Variants in GULP1 observed in about 807,000 individuals in gnomAD.
GULP1 encodes GULP PTB domain containing engulfment adaptor 1.
In GULP1, 19 loss-of-function variants were observed where a neutral mutation model predicts 40.9. The observed-to-expected ratio is 0.46, with a 90% CI of 0.32 to 0.68. The LOEUF is 0.68. GULP1 is among the 30% of genes least tolerant of loss of function. GULP1 has a pLI of 0.03. For synonymous variants in GULP1, 119 were observed against 117.6 expected (o/e 1.01, Z -0.08); for missense variants, 312 against 362.2 (o/e 0.86, Z 1.12).
At chr2:188,412,346 A>G (rs1469458386) in intron 2 of GULP1, among the ~76,000 whole-genome samples, 12 of 152,170 alleles carry the variant, frequency 7.9e-5, no homozygotes, top group Admixed American at 7.2e-4. Flanking sequence ...ACCCTTCCTT[A>G]CCTTCATTGT....
At chr2:188,463,036 TAA>T (rs1232158023) in intron 2 of GULP1, among the ~76,000 whole-genome samples, 1 of 152,198 alleles carries the variant, frequency 6.6e-6, no homozygotes, top group Non-Finnish European at 1.5e-5. Flanking sequence ...TTTTTGTACT[TAA>T]GAGTAGTTCA....
intron 4 of GULP1, among the ~76,000 whole-genome samples, chr2:188,509,121 G>C (rs143940028): frequency 6.6e-6 from 1 of 151,902 alleles, no homozygotes; most frequent in African/African-American, 2.4e-5. Flanking sequence ...CAAGTATCTG[G>C]AACAGTGCCT....
intron 2 of GULP1, among the ~76,000 whole-genome samples, chr2:188,402,243 C>G (rs2052402857): frequency 6.6e-6 from 1 of 152,220 alleles, no homozygotes; most frequent in Admixed American, 6.5e-5. Context: ...TCATTTGATA[C>G]TTATGTAGGA....
At chr2:188,350,317 T>G (rs1216240349) in intron 1 of GULP1, among the ~76,000 whole-genome samples, 1 of 152,134 alleles carries the variant, frequency 6.6e-6, no homozygotes, top group Non-Finnish European at 1.5e-5. Context: ...ATATTAAGTC[T>G]ACAGTGTATA....
Position 188,446,132 on chromosome 2 carries a change from G to T in GULP1, c.-44-31527G>T, listed in dbSNP as rs76939661. Among the ~76,000 whole-genome samples the T allele has an allele frequency of 0.014, 2,110 of 152,084 alleles. 96 individuals carry two copies. The East Asian group carries it at 0.15, about 11-fold the overall frequency. On this transcript the variant is annotated intron_variant, in intron 2 of 11. Transcript: ENST00000409830. The stretch of plus-strand genomic sequence containing the variant: ...CTCATCAGGAGACCAATTTTTGCTT[G>T]GGAGCATCTAGAAAGTCTTTTTTCA...
At chr2:188,407,280 G>A (rs1018946573) in intron 2 of GULP1, among the ~76,000 whole-genome samples, 2 of 152,062 alleles carry the variant, frequency 1.3e-5, no homozygotes. Context: ...TTAAAGAAAA[G>A]GATGCTAATT....
chr2:188,351,589 G>C (rs1436380773), intron 1 of GULP1, among the ~76,000 whole-genome samples: 1 of 151,998 alleles, frequency 6.6e-6, no homozygotes, highest in African/African-American at 2.4e-5. Flanking sequence ...CATTCTAGAG[G>C]TTATAGCCAA....
rs1309163705 is a variant in GULP1 at position 188,570,135 on chromosome 2, T to C, written c.609+15T>C. On this transcript the variant is annotated intron_variant, in intron 9 of 11. Transcript: ENST00000409830. The stretch of plus-strand genomic sequence containing the variant: ...CAGCACCTCCAGTGAGTATATTGAA[T>C]ATCCTTAGAAACAAGATTTTATGGT... 2 of 1,051,086 alleles carry C rather than the reference T, an allele frequency of 1.9e-6. No individual in the cohort carries two copies. Among genetic ancestry groups the C allele is most frequent in the Non-Finnish European group, 2.9e-6 (2 of 693,922 alleles). 65.1% of individuals were successfully genotyped at this position (1,051,086 alleles called of 1,614,324 possible). A position where few individuals can be genotyped will look rare whatever the true frequency, so the allele number is the denominator to read the frequency against.
At chr2:188,347,310 C>A (rs1404376768) in intron 1 of GULP1, among the ~76,000 whole-genome samples, 2 of 152,072 alleles carry the variant, frequency 1.3e-5, no homozygotes, top group Admixed American at 6.6e-5. Context: ...AGCACAAACC[C>A]GGGAAGATGG....
intron 3 of GULP1, among the ~76,000 whole-genome samples, chr2:188,482,089 A>G (rs969213787): frequency 3.3e-5 from 5 of 151,988 alleles, no homozygotes; most frequent in East Asian, 1.9e-4. Flanking sequence ...TGGCTATCAT[A>G]TATTCACTCT....
At chr2:188,337,891 G>C (rs528562835) in intron 1 of GULP1, among the ~76,000 whole-genome samples, 1 of 152,006 alleles carries the variant, frequency 6.6e-6, no homozygotes, top group Non-Finnish European at 1.5e-5. Context: ...TTGAAAGGAA[G>C]GGACAGGGAG....
chr2:188,549,857 A>G (rs1460212508), intron 7 of GULP1, among the ~76,000 whole-genome samples: 1 of 151,748 alleles, frequency 6.6e-6, no homozygotes, highest in East Asian at 1.9e-4. Context: ...TGTGTACTCT[A>G]TGATTCCATT....
chr2:188,355,670 G>C (rs186992936), intron 1 of GULP1, among the ~76,000 whole-genome samples: 18 of 151,966 alleles, frequency 1.2e-4, no homozygotes, highest in South Asian at 1.0e-3. Flanking sequence ...TCCTGTTTCC[G>C]TGAGGCCAGT....
intron 7 of GULP1, among the ~76,000 whole-genome samples, chr2:188,543,384 G>A (rs909123769): frequency 2.0e-5 from 3 of 152,006 alleles, no homozygotes; most frequent in Non-Finnish European, 4.4e-5. Context: ...TCTTGGCTTT[G>A]AGAAGTTCCC....
At chr2:188,349,977 A>C (rs1030255669) in intron 1 of GULP1, among the ~76,000 whole-genome samples, 3 of 152,136 alleles carry the variant, frequency 2.0e-5, no homozygotes, top group African/African-American at 7.2e-5. Context: ...TTATTTCCCC[A>C]ATGATTTGTC....
intron 2 of GULP1, among the ~76,000 whole-genome samples, chr2:188,452,990 CTT>C (rs879545766): frequency 1.4e-5 from 2 of 144,968 alleles, no homozygotes; most frequent in African/African-American, 5.0e-5. Flanking sequence ...TATATTTGCC[CTT>C]TTTTTTTTTA....
Position 188,320,521 on chromosome 2 carries a change from CA to C in GULP1, c.-172+28359del, listed in dbSNP as rs549009243. Among the ~76,000 whole-genome samples, 9 of 152,082 alleles carry C rather than the reference CA, an allele frequency of 5.9e-5. No homozygotes were observed. In the South Asian group the frequency reaches 1.7e-3, roughly 28 times the overall value. On this transcript the variant is annotated intron_variant, in intron 1 of 11. Coordinates refer to ENST00000409830, the MANE Select transcript of GULP1 (RefSeq NM_016315.4). ...TAAGACCTTCTTTCCTATGTCCTGACAAAAGTTTATACAGCACTTTGACTCT... is the reference window on the plus strand; with the variant it reads ...TAAGACCTTCTTTCCTATGTCCTGACAAAGTTTATACAGCACTTTGACTCT...
chr2:188,553,447 A>T (rs1323051213), intron 7 of GULP1, among the ~76,000 whole-genome samples: 1 of 151,886 alleles, frequency 6.6e-6, no homozygotes, highest in African/African-American at 2.4e-5. Context: ...TCATTCCATT[A>T]ATTTGAGTTA....
At chr2:188,552,172 A>G (rs1693635887) in intron 7 of GULP1, among the ~76,000 whole-genome samples, 1 of 151,148 alleles carries the variant, frequency 6.6e-6, no homozygotes, top group Non-Finnish European at 1.5e-5. Context: ...TTTTTAGTGT[A>G]ATTAAGTACC....
Sources: allele counts gnomAD v4.1 joint callset (sites outside exome capture counted in the v4.1 genomes callset), GRCh38; gene constraint gnomAD v4.1.1; transcripts MANE v1.5; gene names NCBI Gene and HGNC (gene_info 2026-07-23, HGNC 2026-07-21).